Variants in WNK2 observed in about 807,000 individuals in gnomAD.
The protein encoded by WNK2 is WNK lysine deficient protein kinase 2.
In WNK2, 67 loss-of-function variants were observed where a neutral mutation model predicts 192.1. That is an observed-to-expected ratio of 0.35 (90% CI 0.29 to 0.43). The LOEUF is 0.43. Among genes scored for constraint, WNK2 ranks in the 20% least tolerant of loss-of-function variants. WNK2 has a pLI of 1.00. For missense variants in WNK2, 2,698 were observed against 3,089.7 expected, an observed-to-expected ratio of 0.87 and a Z score of 3.01; for synonymous variants, 1,439 against 1,393.9, an observed-to-expected ratio of 1.03 and a Z score of -0.72.
At position 93,252,572 on chromosome 9, in the gene WNK2, G is replaced by A. The variant is rs747068928; in HGVS notation, c.1835-311G>A. Among the ~76,000 whole-genome samples the A allele has an allele frequency of 5.3e-4, 80 of 152,230 alleles. 1 individual carries two copies. Among genetic ancestry groups the A allele is most frequent in the Non-Finnish European group, 9.1e-4 (62 of 68,040 alleles). ...TCCCAAGTCCCTTGTGCCTTTAAGAGCTGGAATGTGTGCTTGGTGCCCAGG... is the reference window on the plus strand; with the variant it reads ...TCCCAAGTCCCTTGTGCCTTTAAGAACTGGAATGTGTGCTTGGTGCCCAGG... On this transcript the variant is annotated intron_variant, in intron 8 of 29. Transcript: ENST00000427277.
rs763727460 is a variant in WNK2 at position 93,247,298 on chromosome 9, G to A, written c.1543-245G>A. ...TCCGGTTGAGGGGCTGGTCTGCTTT[G>A]CTCTTGCTGTGGACTCTGCGGGATG... On this transcript the variant is annotated intron_variant, in intron 7 of 29. Coordinates refer to ENST00000427277, the MANE Select transcript of WNK2 (RefSeq NM_006648.4). This position sits in a 1 kb window ranked among gnomAD's most constrained non-coding sequence, Gnocchi z 5.2. Among the ~76,000 whole-genome samples, 5 of 152,226 alleles carry A rather than the reference G, an allele frequency of 3.3e-5. No homozygotes were observed. Among genetic ancestry groups the A allele is most frequent in the Admixed American group, 1.3e-4 (2 of 15,290 alleles).
Position 93,267,763 on chromosome 9 carries a change from C to T in WNK2, c.3714C>T (p.Ile1238=), listed in dbSNP as rs1845398920. The T allele has an allele frequency of 6.2e-7, 1 of 1,601,958 alleles. No individual in the cohort carries two copies. Among genetic ancestry groups the T allele is most frequent in the African/African-American group, 1.3e-5 (1 of 74,718 alleles). ...CTTTGCAGGTGGAGCATGACTTTAT[C>T]CTGCAGGCCGAGCGGGAAACGTTCA... ...IATYMVEHDF[I]LQAERETFIE... is the part of the protein sequence containing the mutation. Residue 1238 remains isoleucine, a synonymous_variant, in exon 17 of 30, where the codon ATC becomes ATT. Transcript: ENST00000427277.
intron 2 of WNK2, among the ~76,000 whole-genome samples, chr9:93,210,835 T>C (rs1001186820): frequency 6.6e-6 from 1 of 152,168 alleles, no homozygotes; most frequent in African/African-American, 2.4e-5. Flanking sequence ...AGCACAGACA[T>C]AGACCGGCCC....
At chr9:93,318,158 G>A in intron 29 of WNK2, 1 of 1,506,966 alleles carries the variant, frequency 6.6e-7, no homozygotes, top group East Asian at 2.3e-5. Flanking sequence ...GAAAAGATAT[G>A]TTAAAAAAAA....
intron 28 of WNK2, among the ~76,000 whole-genome samples, chr9:93,313,880 C>T (rs1854113201): frequency 6.6e-6 from 1 of 152,142 alleles, no homozygotes. Flanking sequence ...GTAATCCCAG[C>T]ACTTAGGGAG....
At chr9:93,282,290 A>G (rs1372462613) in intron 19 of WNK2, among the ~76,000 whole-genome samples, 2 of 30,620 alleles carry the variant, frequency 6.5e-5, no homozygotes, top group Non-Finnish European at 2.8e-4. Context: ...TAACCTCCAC[A>G]CTTGTGGAGG....
intron 26 of WNK2, among the ~76,000 whole-genome samples, chr9:93,306,019 G>A (rs1852465091): frequency 6.6e-6 from 1 of 152,178 alleles, no homozygotes; most frequent in Non-Finnish European, 1.5e-5. Flanking sequence ...GGCACTGACT[G>A]GCTAGGACAT....
At chr9:93,255,050 A>G (rs1415159685) in intron 9 of WNK2, among the ~76,000 whole-genome samples, 1 of 152,122 alleles carries the variant, frequency 6.6e-6, no homozygotes, top group East Asian at 1.9e-4. Context: ...CAGTGTGGAA[A>G]CCAGCACACC....
chr9:93,249,543 G>A (rs1015664316), intron 8 of WNK2, among the ~76,000 whole-genome samples: 16 of 152,062 alleles, frequency 1.1e-4, no homozygotes, highest in African/African-American at 3.9e-4. Context: ...GCGCGATCTC[G>A]GCTCACTGCA....
rs148621666 is a variant in WNK2, at chr9:93,261,971, C to T, written c.3224C>T (p.Thr1075Met). 7.8e-5 allele frequency: 125 copies of T among 1,611,898 alleles called. No homozygotes were observed. The highest frequency in any genetic ancestry group is 1.7e-4 in the Middle Eastern group (1 of 5,972). The change falls in exon 13 of 30, where the codon ACG (threonine) becomes ATG (methionine). Residue 1075 changes from threonine to methionine, a missense_variant. Physicochemically the swap from Thr to Met is moderately conservative, Grantham distance 81. This residue lies in a region of WNK2 where 893 missense variants were observed against 909.0 expected (regional missense o/e 0.98). Transcript: ENST00000427277. ...LLPQFPSSLA[T>M]VSASVQSVPT... ...CCTCAGTTCCCCAGCTCCCTGGCCACGGTGTCTGCCTCTGTGCAGAGTGTG... is the reference window on the plus strand; with the variant it reads ...CCTCAGTTCCCCAGCTCCCTGGCCATGGTGTCTGCCTCTGTGCAGAGTGTG...
At position 93,252,970 on chromosome 9, in the gene WNK2, C is replaced by A. The variant is rs1051362149; in HGVS notation, c.1922C>A (p.Ala641Asp). The A allele has an allele frequency of 6.4e-7, 1 of 1,573,776 alleles. No homozygotes were observed. ...CAGAGCGTGATGCTTGGCTCCCTTG[C>A]CGACGCAGCGCCGTCCCCGGCCCAG... is the stretch of plus-strand genomic sequence containing the variant. ...SQQSVMLGSL[A>D]DAAPSPAQCV... Residue 641 changes from alanine to aspartate, a missense_variant, in exon 9 of 30, where the codon GCC becomes GAC. By Grantham distance (126) the Ala-to-Asp change is moderately radical (BLOSUM62 -2). Transcript: ENST00000427277.
chr9:93,261,228 T>A (rs1844180110), intron 12 of WNK2, among the ~76,000 whole-genome samples: 1 of 152,200 alleles, frequency 6.6e-6, no homozygotes, highest in Admixed American at 6.5e-5. Flanking sequence ...GAAGTTTCTC[T>A]AAAATTTCAG....
rs1258986313 is a variant in WNK2 at position 93,184,154 on chromosome 9, G to A, written c.-234G>A. ...GAGCCCCGCCCTCCCCGCGCGCCGG[G>A]TCGGAGCCGGTGCGGGAGCGGAGCC... On this transcript the variant is annotated 5_prime_UTR_variant, in exon 1 of 30. Transcript: ENST00000427277. 6.7e-6 allele frequency among the ~76,000 whole-genome samples: 1 copy of A among 148,752 alleles called. No individual in the cohort carries two copies. Among genetic ancestry groups the A allele is most frequent in the East Asian group, 2.0e-4 (1 of 5,046 alleles).
At chr9:93,210,254 AG>A (rs1834264108) in intron 2 of WNK2, among the ~76,000 whole-genome samples, 3 of 55,258 alleles carry the variant, frequency 5.4e-5, no homozygotes, top group African/African-American at 1.4e-4. Flanking sequence ...TGGGGTGTCG[AG>A]GGAGGTGGGG....
intron 2 of WNK2, among the ~76,000 whole-genome samples, chr9:93,208,527 TTC>T (rs1833806408): frequency 6.6e-6 from 1 of 152,166 alleles, no homozygotes. Context: ...GTTATGTGTA[TTC>T]TGTGTGTGTG....
chr9:93,248,801 T>C (rs1363355899), intron 8 of WNK2, among the ~76,000 whole-genome samples: 5 of 152,332 alleles, frequency 3.3e-5, no homozygotes, highest in Middle Eastern at 3.4e-3. Flanking sequence ...AATTCAGCAG[T>C]GAGCTGAGGA....
chr9:93,306,866 G>A (rs780207842), intron 27 of WNK2, 45 bp downstream of exon 27: 1 of 1,613,490 alleles, frequency 6.2e-7, no homozygotes, highest in Non-Finnish European at 8.5e-7. Context: ...TCATCGCATG[G>A]GCTTTCTCGT....
chr9:93,231,566 G>A (rs569741416), intron 4 of WNK2, among the ~76,000 whole-genome samples: 4 of 152,336 alleles, frequency 2.6e-5, no homozygotes, highest in African/African-American at 9.6e-5. Context: ...GGCCAGTGAC[G>A]CTGGAGCTCC....
At chr9:93,227,808 C>A (rs965835808) in intron 2 of WNK2, among the ~76,000 whole-genome samples, 1 of 152,130 alleles carries the variant, frequency 6.6e-6, no homozygotes, top group South Asian at 2.1e-4. Context: ...CTTAAAGAAT[C>A]GTTTTTGATG....
Sources: gnomAD v4.1 joint callset for allele counts (sites outside exome capture counted in the v4.1 genomes callset) on GRCh38, gnomAD v4.1.1 for gene constraint, gnomAD v4.1.1 regional missense constraint, Gnocchi (gnomAD v3.1) non-coding constraint, MANE v1.5 for transcripts, NCBI Gene and HGNC (gene_info 2026-07-23, HGNC 2026-07-21) for gene names.